BICD1: variants seen among roughly 807,000 people sequenced by gnomAD.
The protein encoded by BICD1 is protein bicaudal D homolog 1.
In BICD1, 35 loss-of-function variants were observed where a neutral mutation model predicts 92.5. The ratio of observed to expected loss-of-function variants is 0.38; its 90% CI spans 0.29 to 0.50. BICD1 has a LOEUF of 0.50. Ranked by LOEUF, BICD1 falls within the 20% of genes least tolerant of loss-of-function variation. The pLI is 0.93. For synonymous variants in BICD1, 429 were observed against 465.1 expected, an observed-to-expected ratio of 0.92 and a Z score of 1.00; for missense variants, 950 against 1,189.8, an observed-to-expected ratio of 0.80 and a Z score of 2.97.
At chr12:32,218,953 G>A (rs1020667530) in intron 2 of BICD1, among the ~76,000 whole-genome samples, 1 of 152,002 alleles carries the variant, frequency 6.6e-6, no homozygotes, top group African/African-American at 2.4e-5. Context: ...CTATTTTTTG[G>A]TGTATTGATA....
At chr12:32,291,087 G>A (rs1002734712) in intron 2 of BICD1, among the ~76,000 whole-genome samples, 20 of 152,198 alleles carry the variant, frequency 1.3e-4, no homozygotes, top group Non-Finnish European at 2.9e-4. Context: ...GAAAGATTAT[G>A]TGTTTATAAT....
At chr12:32,107,726 C>A in intron 1 of BICD1, 182 bp downstream of exon 1, 1 of 790,990 alleles carries the variant, frequency 1.3e-6, no homozygotes, top group Non-Finnish European at 2.1e-6. Flanking sequence ...GAAAAATTGC[C>A]TAAGAAATGA....
intron 1 of BICD1, among the ~76,000 whole-genome samples, chr12:32,214,140 C>T (rs967539847): frequency 6.6e-6 from 1 of 152,162 alleles, no homozygotes; most frequent in Non-Finnish European, 1.5e-5. Flanking sequence ...AGACAGGCTC[C>T]TGTCTCCTTT....
chr12:32,247,858 G>A (rs1946429771), intron 2 of BICD1, among the ~76,000 whole-genome samples: 1 of 151,952 alleles, frequency 6.6e-6, no homozygotes, highest in Non-Finnish European at 1.5e-5. Flanking sequence ...GCCAAGGCAG[G>A]CGGATCACCT....
chr12:32,316,433 G>C (rs1592661905), intron 4 of BICD1, among the ~76,000 whole-genome samples: 1 of 151,828 alleles, frequency 6.6e-6, no homozygotes, highest in Admixed American at 6.6e-5. Context: ...TGGGAATACA[G>C]GCACGTGCCA....
intron 9 of BICD1, among the ~76,000 whole-genome samples, chr12:32,371,007 CAGG>C (rs751649010): frequency 5.6e-5 from 8 of 142,308 alleles, no homozygotes; most frequent in African/African-American, 1.4e-4. Context: ...GAAAGGCTGG[CAGG>C]AGATTTTTTT....
At chr12:32,274,296 A>G (rs947733513) in intron 2 of BICD1, among the ~76,000 whole-genome samples, 1 of 152,200 alleles carries the variant, frequency 6.6e-6, no homozygotes, top group Non-Finnish European at 1.5e-5. Flanking sequence ...CTTTAATAAG[A>G]ACATCAGAAC....
At chr12:32,114,590 C>T (rs1941822306) in intron 1 of BICD1, among the ~76,000 whole-genome samples, 1 of 151,962 alleles carries the variant, frequency 6.6e-6, no homozygotes, top group Non-Finnish European at 1.5e-5. Flanking sequence ...GCCATGTAAG[C>T]CAGGTTGGTC....
intron 2 of BICD1, among the ~76,000 whole-genome samples, chr12:32,252,713 C>T (rs575359270): frequency 6.6e-5 from 10 of 152,296 alleles, no homozygotes; most frequent in East Asian, 1.9e-4. Context: ...GGTGGCCTCA[C>T]GCTGCTAAGT....
At chr12:32,144,088 G>A (rs1943034178) in intron 1 of BICD1, among the ~76,000 whole-genome samples, 1 of 151,872 alleles carries the variant, frequency 6.6e-6, no homozygotes, top group Non-Finnish European at 1.5e-5. Context: ...CTCTTTTTGT[G>A]GTGTCCTTTG....
intron 1 of BICD1, among the ~76,000 whole-genome samples, chr12:32,186,845 AT>A (rs1944434763): frequency 6.6e-6 from 1 of 152,200 alleles, no homozygotes; most frequent in Non-Finnish European, 1.5e-5. Context: ...CCTGGAAACC[AT>A]TTAGAGGTGT....
At chr12:32,243,847 A>G (rs1011129065) in intron 2 of BICD1, among the ~76,000 whole-genome samples, 2 of 152,124 alleles carry the variant, frequency 1.3e-5, no homozygotes, top group African/African-American at 2.4e-5. Flanking sequence ...TATACTTTCA[A>G]TGTGTTCATC....
At chr12:32,213,340 G>A (rs966095872) in intron 1 of BICD1, among the ~76,000 whole-genome samples, 1 of 152,142 alleles carries the variant, frequency 6.6e-6, no homozygotes, top group Non-Finnish European at 1.5e-5. Flanking sequence ...ATGCATTTTT[G>A]ACAACAATAC....
At chr12:32,323,063 T>C (rs1251499222) in intron 4 of BICD1, among the ~76,000 whole-genome samples, 1 of 152,248 alleles carries the variant, frequency 6.6e-6, no homozygotes, top group African/African-American at 2.4e-5. Context: ...AGATTTTCCA[T>C]CTCCTTTATG....
chr12:32,293,484 AT>A (rs55803746), intron 2 of BICD1, among the ~76,000 whole-genome samples: 87,207 of 143,820 alleles, frequency 0.61, 26,311 homozygotes, highest in East Asian at 0.81. Context: ...CGCCTGGCTA[AT>A]TTTTTTTTTT....
At position 32,197,008 on chromosome 12, in the gene BICD1, C is replaced by T. The variant is rs1944745721; in HGVS notation, c.214-19239C>T. Among the ~76,000 whole-genome samples, 2 of 151,442 alleles carry T rather than the reference C, an allele frequency of 1.3e-5. 1 individual carries two copies. Among genetic ancestry groups the T allele is most frequent in the South Asian group, 4.2e-4 (2 of 4,812 alleles). On this transcript the variant is annotated intron_variant, in intron 1 of 9. Coordinates refer to ENST00000652176, the MANE Select transcript of BICD1 (RefSeq NM_001714.4). The stretch of plus-strand genomic sequence containing the variant: ...GTCATTTAAAGCAAAGCATCCTTTC[C>T]TTTTCAAGATTTTACTTTTTTTTTT...
intron 1 of BICD1, among the ~76,000 whole-genome samples, chr12:32,141,497 G>A (rs553483385): frequency 6.6e-6 from 1 of 152,038 alleles, no homozygotes; most frequent in African/African-American, 2.4e-5. Context: ...GTTTTTGAGC[G>A]GAGTCTTGCT....
chr12:32,175,275 CCTTTT>C (rs1019104443), intron 1 of BICD1, among the ~76,000 whole-genome samples: 67 of 152,208 alleles, frequency 4.4e-4, no homozygotes, highest in African/African-American at 1.5e-3. Flanking sequence ...CACTACTTTC[CCTTTT>C]CTTCTTTTTA....
chr12:32,116,974 C>T (rs1296780838), intron 1 of BICD1, among the ~76,000 whole-genome samples: 1 of 138,850 alleles, frequency 7.2e-6, no homozygotes, highest in Non-Finnish European at 1.6e-5. Flanking sequence ...TTTCTGATCT[C>T]ACCTATTATG....
Sources: gnomAD v4.1 joint callset for allele counts (sites outside exome capture counted in the v4.1 genomes callset) on GRCh38, gnomAD v4.1.1 for gene constraint, MANE v1.5 for transcripts, NCBI Gene and HGNC (gene_info 2026-07-23, HGNC 2026-07-21) for gene names.